The following SUSD4 variants were observed in gnomAD, a reference collection of about 807,000 sequenced individuals.
SUSD4 encodes the protein sushi domain containing 4, also known as sushi domain-containing protein 4.
Under a neutral mutation model 50.5 loss-of-function variants are expected in SUSD4, and 41 were observed. The observed-to-expected ratio is 0.81, with a 90% CI of 0.63 to 1.05. The LOEUF is 1.05. SUSD4 is among the 50% of genes least tolerant of loss of function. The pLI, the probability that SUSD4 is intolerant of heterozygous loss-of-function variation, is 0.00. For synonymous variants in SUSD4, 257 were observed against 257.3 expected (o/e 1.00, Z 0.01); for missense variants, 580 against 634.7 (o/e 0.91, Z 0.93).
intron 3 of SUSD4, among the ~76,000 whole-genome samples, chr1:223,286,095 C>A (rs1188360895): frequency 6.6e-6 from 1 of 152,156 alleles, no homozygotes; most frequent in Admixed American, 6.5e-5. Context: ...CAGGTGTACA[C>A]CACCATGCCT....
chr1:223,330,331 C>T (rs1182641616), intron 2 of SUSD4, among the ~76,000 whole-genome samples: 5 of 152,208 alleles, frequency 3.3e-5, no homozygotes, highest in Admixed American at 1.3e-4. Context: ...TCACTGTTCT[C>T]ACTCATATTT....
At chr1:223,251,525 T>C (rs151000231) in intron 5 of SUSD4, among the ~76,000 whole-genome samples, 66 of 152,192 alleles carry the variant, frequency 4.3e-4, no homozygotes, top group Non-Finnish European at 1.6e-4. Context: ...GGAAATAACA[T>C]CCAAAACATA....
chr1:223,321,503 C>T (rs1363245689), intron 2 of SUSD4, among the ~76,000 whole-genome samples: 1 of 152,242 alleles, frequency 6.6e-6, no homozygotes, highest in Non-Finnish European at 1.5e-5. Context: ...TCTTCACCAT[C>T]ACCCAGTGCC....
At chr1:223,351,021 T>C (rs1375663488) in intron 2 of SUSD4, among the ~76,000 whole-genome samples, 1 of 152,062 alleles carries the variant, frequency 6.6e-6, no homozygotes, top group Non-Finnish European at 1.5e-5. Context: ...TACTACATAA[T>C]AGGCATTCTT....
chr1:223,350,242 T>A (rs1668282025), intron 2 of SUSD4, among the ~76,000 whole-genome samples: 1 of 152,240 alleles, frequency 6.6e-6, no homozygotes, highest in South Asian at 2.1e-4. Context: ...AGGCTCGAGC[T>A]CCTGAGGGCC....
Position 223,229,295 on chromosome 1 carries a change from T to C in SUSD4, c.818A>G (p.Tyr273Cys). 1 of 1,613,430 alleles carries C rather than the reference T, an allele frequency of 6.2e-7. No individual in the cohort carries two copies. Among genetic ancestry groups the C allele is most frequent in the Non-Finnish European group, 8.5e-7 (1 of 1,179,498 alleles). The change falls in exon 6 of 9, where the codon TAC becomes TGC. Residue 273 changes from tyrosine (Y) to cysteine (C), a missense_variant. Coordinates refer to ENST00000366878, the MANE Select transcript of SUSD4 (RefSeq NM_017982.4). The surrounding 1 kb of genome is among the most constrained non-coding windows in gnomAD (Gnocchi z 4.7). Reference protein sequence around the residue: ...RYNHGTVVEFYCDPGYSLTSD... With the variant: ...RYNHGTVVEFCCDPGYSLTSD... ...GGTGAGGCTGTAGCCAGGATCGCAGTAAAACTCCACCACAGTTCCGTGGTT... is the reference window on the plus strand; with the variant it reads ...GGTGAGGCTGTAGCCAGGATCGCAGCAAAACTCCACCACAGTTCCGTGGTT...
chr1:223,298,327 C>T lies in SUSD4; in HGVS notation c.149-5676G>A, dbSNP rs529156310. ...CCACAGACAAGGGAGATGTGAAATG[C>T]CCTCCTATAGCACAGACACACTCTC... On this transcript the variant is annotated intron_variant, in intron 2 of 8. Coordinates refer to ENST00000366878, the MANE Select transcript of SUSD4 (RefSeq NM_017982.4). 1.9e-4 allele frequency among the ~76,000 whole-genome samples: 29 copies of T among 152,210 alleles called. No homozygotes were observed. In the South Asian group the frequency reaches 4.4e-3, roughly 23 times the overall value.
At chr1:223,312,860 C>A (rs922972986) in intron 2 of SUSD4, among the ~76,000 whole-genome samples, 2 of 152,168 alleles carry the variant, frequency 1.3e-5, no homozygotes, top group African/African-American at 4.8e-5. Flanking sequence ...TAGGTCATTT[C>A]CAGCGTAGGA....
chr1:223,338,859 CA>C (rs1237454647), intron 2 of SUSD4, among the ~76,000 whole-genome samples: 4 of 152,170 alleles, frequency 2.6e-5, no homozygotes, highest in African/African-American at 4.8e-5. Flanking sequence ...GAGAACAACT[CA>C]GAGATGTCCA....
intron 5 of SUSD4, chr1:223,230,477 A>G (rs1439708998): frequency 6.6e-6 from 1 of 151,946 alleles, no homozygotes; most frequent in East Asian, 1.9e-4. Flanking sequence ...CAGAACAGGC[A>G]CTGCCCACCA....
At chr1:223,280,807 C>CT (rs755584722) in intron 3 of SUSD4, among the ~76,000 whole-genome samples, 2 of 152,176 alleles carry the variant, frequency 1.3e-5, no homozygotes, top group Non-Finnish European at 2.9e-5. Flanking sequence ...CCACATCGCA[C>CT]TTATTCCAAA....
At chr1:223,234,502 C>A (rs1660087150) in intron 5 of SUSD4, among the ~76,000 whole-genome samples, 1 of 152,138 alleles carries the variant, frequency 6.6e-6, no homozygotes, top group Admixed American at 6.5e-5. Flanking sequence ...CTGTAGCATC[C>A]AGCATGATTC....
intron 5 of SUSD4, chr1:223,234,906 A>G (rs771973933): frequency 1.9e-6 from 3 of 1,552,996 alleles, no homozygotes; most frequent in South Asian, 1.3e-5. Flanking sequence ...ATAGGATAAA[A>G]ATGGAATGTT....
In SUSD4 at chr1:223,292,463, C is replaced by T; in HGVS notation, c.337G>A (p.Asp113Asn). The part of the protein sequence containing the change: ...FNGTLGWIPS[D>N]NSICVQEDCR... ...CCTTCTTGCACACAGATGGAATTAT[C>T]ACTTGGGATCCAGCCTAGGGTTCCA... The change falls in exon 3 of 9, where the codon GAT (aspartate) becomes AAT (asparagine). Residue 113 changes from aspartate to asparagine, a missense_variant. Asp to Asn is a conservative substitution (Grantham distance 23, BLOSUM62 1). Transcript: ENST00000366878. 2 of 1,614,184 alleles carry T rather than the reference C, an allele frequency of 1.2e-6. No individual in the cohort carries two copies. Among genetic ancestry groups the T allele is most frequent in the Non-Finnish European group, 1.7e-6 (2 of 1,180,024 alleles).
At chr1:223,222,323 G>A (rs1362573378) in intron 8 of SUSD4, 103 bp from the exon 9 acceptor site, 1 of 1,247,944 alleles carries the variant, frequency 8.0e-7, no homozygotes, top group African/African-American at 1.5e-5. Flanking sequence ...TCAAATCAGT[G>A]AGGAGAAGAA....
chr1:223,308,203 C>A (rs575232573), intron 2 of SUSD4, among the ~76,000 whole-genome samples: 4 of 152,206 alleles, frequency 2.6e-5, no homozygotes, highest in East Asian at 1.9e-4. Context: ...GGAGGTGGGG[C>A]CTGGTGGGAG....
intron 2 of SUSD4, among the ~76,000 whole-genome samples, chr1:223,306,524 C>T (rs954506593): frequency 1.3e-5 from 2 of 152,178 alleles, no homozygotes; most frequent in African/African-American, 4.8e-5. Flanking sequence ...TAGGGTCTCA[C>T]TCTGTCACCC....
rs1320897079 is a variant in SUSD4 at position 223,241,019 on chromosome 1, C to T, written c.725-11631G>A. On this transcript the variant is annotated intron_variant, in intron 5 of 8. Coordinates refer to ENST00000366878, the MANE Select transcript of SUSD4 (RefSeq NM_017982.4). ...CTCTGCACTGTGAGCTTCACAAGTG[C>T]TTCTCAGCTTTGTTTTGTTTCCCTT... Among the ~76,000 whole-genome samples the T allele has an allele frequency of 2.0e-5, 3 of 152,118 alleles. No homozygotes were observed. The East Asian group carries it at 5.8e-4, about 29-fold the overall frequency.
At chr1:223,293,181 C>G (rs1042821225) in intron 2 of SUSD4, among the ~76,000 whole-genome samples, 3 of 152,124 alleles carry the variant, frequency 2.0e-5, no homozygotes, top group Admixed American at 6.5e-5. Context: ...AACCCAGGGT[C>G]TATGGTAGGG....
Sources: gnomAD v4.1 joint callset for allele counts (sites outside exome capture counted in the v4.1 genomes callset) on GRCh38, gnomAD v4.1.1 for gene constraint, Gnocchi (gnomAD v3.1) non-coding constraint, MANE v1.5 for transcripts, NCBI Gene and HGNC (gene_info 2026-07-23, HGNC 2026-07-21) for gene names.